CYRIA: variants seen among roughly 807,000 people sequenced by gnomAD.
The protein encoded by CYRIA is CYFIP-related Rac1 interactor A.
Under a neutral mutation model 43.9 loss-of-function variants are expected in CYRIA, and 15 were observed. That is an observed-to-expected ratio of 0.34 (90% CI 0.23 to 0.53). The LOEUF (loss-of-function observed/expected upper bound fraction) is 0.53, where lower values mean the gene tolerates loss of function less well. Ranked by LOEUF, CYRIA falls within the 20% of genes least tolerant of loss-of-function variation. CYRIA has a pLI of 0.94. For missense variants in CYRIA, 236 were observed against 394.2 expected, an observed-to-expected ratio of 0.60 and a Z score of 3.40; for synonymous variants, 117 against 136.0, an observed-to-expected ratio of 0.86 and a Z score of 0.97.
At chr2:16,610,723 G>A (rs972994196) in intron 2 of CYRIA, among the ~76,000 whole-genome samples, 2 of 151,676 alleles carry the variant, frequency 1.3e-5, no homozygotes, top group Non-Finnish European at 2.9e-5. Flanking sequence ...GAAATTACAA[G>A]CATAACCAAA....
At chr2:16,652,156 C>G (rs1020704331) in intron 1 of CYRIA, among the ~76,000 whole-genome samples, 1 of 152,184 alleles carries the variant, frequency 6.6e-6, no homozygotes, top group Non-Finnish European at 1.5e-5. Context: ...GGTTGGAAAT[C>G]CATTTCTATC....
intron 2 of CYRIA, among the ~76,000 whole-genome samples, chr2:16,599,824 T>C (rs1313583400): frequency 6.6e-6 from 1 of 152,174 alleles, no homozygotes; most frequent in Non-Finnish European, 1.5e-5. Context: ...TAGCGCAATC[T>C]CAGCTCACTG....
At chr2:16,587,700 C>A (rs1357945084) in intron 3 of CYRIA, among the ~76,000 whole-genome samples, 1 of 151,982 alleles carries the variant, frequency 6.6e-6, no homozygotes, top group African/African-American at 2.4e-5. Flanking sequence ...GACGGGTCTT[C>A]CCCATACTGT....
chr2:16,605,931 C>G (rs761624095), intron 2 of CYRIA, among the ~76,000 whole-genome samples: 1 of 152,182 alleles, frequency 6.6e-6, no homozygotes, highest in Admixed American at 6.5e-5. Context: ...TCTCTCACCT[C>G]TCTGGAAGTT....
intron 1 of CYRIA, among the ~76,000 whole-genome samples, chr2:16,647,935 G>C (rs1255892134): frequency 6.6e-6 from 1 of 152,184 alleles, no homozygotes; most frequent in Admixed American, 6.5e-5. Context: ...CACTACAGTA[G>C]TTTGAGGCCC....
intron 2 of CYRIA, among the ~76,000 whole-genome samples, chr2:16,593,728 T>G (rs1247586633): frequency 2.8e-5 from 4 of 142,162 alleles, no homozygotes; most frequent in East Asian, 3.9e-4. Flanking sequence ...GTTTTTTTTT[T>G]TTTTTTTTTT....
At chr2:16,568,226 A>G (rs1357462792) in intron 3 of CYRIA, among the ~76,000 whole-genome samples, 1 of 107,358 alleles carries the variant, frequency 9.3e-6, no homozygotes, top group East Asian at 2.4e-4. Context: ...TTTCAAAATC[A>G]GAAAAAAAAA....
At chr2:16,640,461 C>T (rs1669642176) in intron 1 of CYRIA, among the ~76,000 whole-genome samples, 1 of 152,220 alleles carries the variant, frequency 6.6e-6, no homozygotes, top group Non-Finnish European at 1.5e-5. Flanking sequence ...AGAGGGCTTC[C>T]ATCTTCTGGC....
intron 1 of CYRIA, among the ~76,000 whole-genome samples, chr2:16,652,379 C>T (rs1669999007): frequency 6.6e-6 from 1 of 152,164 alleles, no homozygotes; most frequent in Admixed American, 6.5e-5. Flanking sequence ...GAGCTGGCAG[C>T]CTCCAGAGGT....
chr2:16,585,733 T>C (rs1436117771), intron 3 of CYRIA, among the ~76,000 whole-genome samples: 2 of 152,106 alleles, frequency 1.3e-5, no homozygotes, highest in Non-Finnish European at 2.9e-5. Flanking sequence ...TAAGAAAATA[T>C]TCAAAGTACC....
chr2:16,620,473 T>C (rs1012808790), intron 2 of CYRIA, among the ~76,000 whole-genome samples: 1 of 152,208 alleles, frequency 6.6e-6, no homozygotes, highest in East Asian at 1.9e-4. Flanking sequence ...ATTCAGTTGA[T>C]CTGTGTGAAC....
intron 3 of CYRIA, among the ~76,000 whole-genome samples, chr2:16,585,032 C>G (rs1292792532): frequency 6.6e-6 from 1 of 152,112 alleles, no homozygotes; most frequent in African/African-American, 2.4e-5. Context: ...AATGACTGCT[C>G]TTGTTTACTT....
intron 2 of CYRIA, among the ~76,000 whole-genome samples, chr2:16,593,089 AC>A (rs1667984729): frequency 6.6e-6 from 1 of 152,170 alleles, no homozygotes; most frequent in African/African-American, 2.4e-5. Context: ...GTGTGAAAGC[AC>A]CATGTATACT....
chr2:16,647,779 C>G (rs1558441591), intron 1 of CYRIA, among the ~76,000 whole-genome samples: 1 of 152,218 alleles, frequency 6.6e-6, no homozygotes, highest in Non-Finnish European at 1.5e-5. Context: ...GCCCCCACAA[C>G]CCCGCAGTTC....
At chr2:16,569,711 T>C (rs2103425362) in intron 3 of CYRIA, among the ~76,000 whole-genome samples, 1 of 152,342 alleles carries the variant, frequency 6.6e-6, no homozygotes, top group Middle Eastern at 3.4e-3. Context: ...CAGTGACATG[T>C]GACATTGGCC....
rs531208307 is a variant in CYRIA at position 16,550,573 on chromosome 2, C to T, written c.*2363G>A. 6.6e-6 allele frequency: 1 copy of T among 152,274 alleles called. No homozygotes were observed. Among genetic ancestry groups the T allele is most frequent in the African/African-American group, 2.4e-5 (1 of 41,556 alleles). The allele number at this position is 152,274 out of a possible 1,614,324, so 9.4% of individuals were successfully genotyped here. A position where few individuals can be genotyped will look rare whatever the true frequency, so the allele number is the denominator to read the frequency against. On this transcript the variant is annotated 3_prime_UTR_variant, in exon 12 of 12. Transcript: ENST00000381323. ...TCTTGGCTAAATTGAGGCAGGACAGCAGCCCCTTCCATATGTTTGGTCCCA... is the reference window on the plus strand; with the variant it reads ...TCTTGGCTAAATTGAGGCAGGACAGTAGCCCCTTCCATATGTTTGGTCCCA...
chr2:16,632,093 T>A (rs1669344501), intron 1 of CYRIA, among the ~76,000 whole-genome samples: 3 of 152,158 alleles, frequency 2.0e-5, no homozygotes, highest in Admixed American at 2.0e-4. Context: ...AGACCACTTA[T>A]GCCATAAGGC....
At chr2:16,648,496 T>C (rs940532) in intron 1 of CYRIA, among the ~76,000 whole-genome samples, 19,777 of 152,212 alleles carry the variant, frequency 0.13, 1,378 homozygotes, top group Middle Eastern at 0.19. Context: ...TTATTTGATG[T>C]GATGACACGA....
intron 1 of CYRIA, among the ~76,000 whole-genome samples, chr2:16,645,725 C>T (rs111972027): frequency 0.01 from 1,536 of 152,296 alleles, 26 homozygotes; most frequent in African/African-American, 0.035. Context: ...TCAGCAAATA[C>T]TTTCTGGAAG....
Sources: gnomAD v4.1 joint callset for allele counts (sites outside exome capture counted in the v4.1 genomes callset) on GRCh38, gnomAD v4.1.1 for gene constraint, MANE v1.5 for transcripts, NCBI Gene and HGNC (gene_info 2026-07-23, HGNC 2026-07-21) for gene names.